INPP5D: variants seen among roughly 807,000 people sequenced by gnomAD.
The protein encoded by INPP5D is inositol polyphosphate-5-phosphatase D.
In INPP5D, 33 loss-of-function variants were observed where a neutral mutation model predicts 122.9. The ratio of observed to expected loss-of-function variants is 0.27; its 90% CI spans 0.20 to 0.36. INPP5D has a LOEUF of 0.36. INPP5D is among the 10% of genes least tolerant of loss of function. The pLI, the probability that INPP5D is intolerant of heterozygous loss-of-function variation, is 1.00. For missense variants in INPP5D, 1,053 were observed against 1,412.7 expected (o/e 0.75, Z 4.08); for synonymous variants, 584 against 576.2 (o/e 1.01, Z -0.19).
chr2:233,069,719 C>T lies in INPP5D; in HGVS notation c.134+9107C>T, dbSNP rs186567614. ...GTACAGGATTCTATTACATGATGTG[C>T]GACACTTCATGAAATGATTCTTCTA... On this transcript the variant is annotated intron_variant, in intron 1 of 26. Coordinates refer to ENST00000445964, the MANE Select transcript of INPP5D (RefSeq NM_001017915.3). Among the ~76,000 whole-genome samples, 554 of 152,136 alleles carry T rather than the reference C, an allele frequency of 3.6e-3. 4 individuals are homozygous for T. Among genetic ancestry groups the T allele is most frequent in the African/African-American group, 0.012 (503 of 41,492 alleles).
At position 233,060,556 on chromosome 2, in the gene INPP5D, G is replaced by C; in HGVS notation, c.78G>C (p.Gly26=). The change falls in exon 1 of 27, where the codon GGG becomes GGC. Residue 26 remains glycine (G), a synonymous_variant. Coordinates refer to ENST00000445964, the MANE Select transcript of INPP5D (RefSeq NM_001017915.3). ...TGCTTTCCAGGACAGGCAAGGACGG[G>C]AGCTTCCTCGTGCGTGCCAGCGAGT... ...EELLSRTGKD[G]SFLVRASESI... The C allele has an allele frequency of 6.2e-7, 1 of 1,614,010 alleles. No individual in the cohort carries two copies. The highest frequency in any genetic ancestry group is 8.5e-7 in the Non-Finnish European group (1 of 1,179,880).
chr2:233,111,012 A>G (rs1458886797), intron 2 of INPP5D, among the ~76,000 whole-genome samples: 1 of 152,178 alleles, frequency 6.6e-6, no homozygotes, highest in Admixed American at 6.5e-5. Context: ...ATTTTCAAGA[A>G]CGGTACAAAG....
rs779098423 is a variant in INPP5D at position 233,079,347 on chromosome 2, C to T, written c.147C>T (p.Cys49=). The part of the protein sequence containing the change: ...AYALCVLYRN[C]VYTYRILPNE... ...TGATCTATTTCAGGTATCGGAATTG[C>T]GTTTACACTTACAGAATTCTGCCCA... Residue 49 remains cysteine, a synonymous_variant, in exon 2 of 27, where the codon TGC becomes TGT. Transcript: ENST00000445964. The T allele has an allele frequency of 1.4e-5, 22 of 1,600,666 alleles. No homozygotes were observed. The South Asian group carries it at 1.8e-4, about 13-fold the overall frequency.
Position 233,204,367 on chromosome 2 carries a change from G to A in INPP5D, c.3217G>A (p.Gly1073Arg), listed in dbSNP as rs1354985808. 5 of 1,610,268 alleles carry A rather than the reference G, an allele frequency of 3.1e-6. No homozygotes were observed. The highest frequency in any genetic ancestry group is 4.2e-6 in the Non-Finnish European group (5 of 1,178,292). Reference protein sequence around the residue: ...TKAQEADRGEGPGKQVPAPRL... With the variant: ...TKAQEADRGERPGKQVPAPRL... ...AGCCCAGGAGGCTGATCGCGGCGAG[G>A]GGCCCGGCAAGCAGGTGCCCGCGCC... Residue 1073 changes from glycine (G) to arginine (R), a missense_variant, in exon 26 of 27, where the codon GGG becomes AGG. Gly to Arg is a moderately radical substitution (Grantham distance 125, BLOSUM62 -2). Transcript: ENST00000445964.
intron 2 of INPP5D, among the ~76,000 whole-genome samples, chr2:233,088,131 A>C (rs1691900134): frequency 1.3e-5 from 2 of 151,600 alleles, no homozygotes; most frequent in Admixed American, 6.6e-5. Context: ...ATGCACCACC[A>C]CCCCCGACTA....
intron 2 of INPP5D, among the ~76,000 whole-genome samples, chr2:233,111,985 G>A (rs79197170): frequency 0.05 from 7,634 of 151,248 alleles, 601 homozygotes; most frequent in African/African-American, 0.17. Context: ...GATCGCTGGA[G>A]CCTGTGAGGT....
rs552825153 is a variant in INPP5D at position 233,152,052 on chromosome 2, G to A, written c.1030+4458G>A. ...CAAGAGTGGGTGCTCTAGGTAAACC[G>A]GATGCATGTGTTGGTTCCATGACTT... On this transcript the variant is annotated intron_variant, in intron 9 of 26. Transcript: ENST00000445964. 5.3e-5 allele frequency among the ~76,000 whole-genome samples: 8 copies of A among 152,270 alleles called. No individual in the cohort carries two copies. The South Asian group carries it at 1.0e-3, about 20-fold the overall frequency.
intron 17 of INPP5D, 188 bp downstream of exon 17, chr2:233,171,340 T>A: frequency 1.3e-6 from 1 of 772,042 alleles, no homozygotes; most frequent in Non-Finnish European, 1.9e-6. Flanking sequence ...TGCTTTGAGC[T>A]GGGAAAATAA....
At chr2:233,124,613 A>C (rs1329464225) in intron 3 of INPP5D, among the ~76,000 whole-genome samples, 3 of 152,176 alleles carry the variant, frequency 2.0e-5, no homozygotes, top group Non-Finnish European at 4.4e-5. Flanking sequence ...CTGCACCTGA[A>C]CAGCTGCCCC....
At chr2:233,130,315 T>C (rs1051542387) in intron 4 of INPP5D, among the ~76,000 whole-genome samples, 193 bp from the exon 5 acceptor site, 4 of 152,150 alleles carry the variant, frequency 2.6e-5, no homozygotes, top group African/African-American at 9.7e-5. Context: ...TTCTTCTTGC[T>C]CTGACCTGCT....
intron 17 of INPP5D, among the ~76,000 whole-genome samples, chr2:233,175,687 T>G (rs1192367662): frequency 1.1e-5 from 1 of 88,148 alleles, no homozygotes; most frequent in Admixed American, 1.7e-4. Flanking sequence ...AAAACTTTTG[T>G]TTTTTTTTTT....
intron 1 of INPP5D, among the ~76,000 whole-genome samples, chr2:233,074,609 T>C (rs1208169614): frequency 6.6e-6 from 1 of 151,996 alleles, no homozygotes; most frequent in Admixed American, 6.5e-5. Flanking sequence ...TTGGTGCAAA[T>C]AGTTTTTTTT....
chr2:233,195,636 T>A, intron 24 of INPP5D, 141 bp downstream of exon 24: 1 of 1,424,196 alleles, frequency 7.0e-7, no homozygotes, highest in Non-Finnish European at 9.5e-7. Flanking sequence ...CATTTGAGCC[T>A]AGGAGTTTGA....
intron 2 of INPP5D, among the ~76,000 whole-genome samples, chr2:233,086,118 CCTCTTTCTTTCT>C (rs1691825196): frequency 9.4e-6 from 1 of 105,950 alleles, no homozygotes; most frequent in African/African-American, 3.3e-5. Context: ...GATAAGATAG[CCTCTTTCTTTCT>C]TTCTTTCTTT....
intron 5 of INPP5D, chr2:233,131,144 G>A (rs1398976439): frequency 1.2e-5 from 12 of 979,458 alleles, no homozygotes; most frequent in Non-Finnish European, 1.3e-5. Flanking sequence ...TCTGATGTCC[G>A]ATCCATTGAA....
rs763248329 is a variant in INPP5D, at chr2:233,189,835, C to G, written c.2359-15C>G. On this transcript the variant is annotated splice_polypyrimidine_tract_variant and intron_variant, in intron 21 of 26. Transcript: ENST00000445964. The surrounding 1 kb of genome is among the most constrained non-coding windows in gnomAD (Gnocchi z 5.6). ...CTTGCCCATCAACTCCAGTCCTGTG[C>G]CCTTCTCTCTGCAGCTGAAGCCCAT... 1 of 1,612,046 alleles carries G rather than the reference C, an allele frequency of 6.2e-7. No individual in the cohort carries two copies. Among genetic ancestry groups the G allele is most frequent in the African/African-American group, 1.3e-5 (1 of 74,868 alleles).
At chr2:233,185,990 A>G in intron 21 of INPP5D, 65 bp downstream of exon 21, 1 of 1,489,698 alleles carries the variant, frequency 6.7e-7, no homozygotes, top group Admixed American at 2.2e-5. Flanking sequence ...AGTACCAGCC[A>G]GTGGCAGAGC....
chr2:233,195,917 G>C (rs1695170909), intron 24 of INPP5D, among the ~76,000 whole-genome samples: 1 of 152,182 alleles, frequency 6.6e-6, no homozygotes, highest in Non-Finnish European at 1.5e-5. Context: ...ATTGCAGTGA[G>C]CCGAGATTTC....
At chr2:233,114,711 T>C (rs1341397387) in intron 2 of INPP5D, among the ~76,000 whole-genome samples, 4 of 152,076 alleles carry the variant, frequency 2.6e-5, no homozygotes, top group Admixed American at 2.6e-4. Context: ...GAAATGGAAG[T>C]AATAAAAACA....
Sources: allele counts gnomAD v4.1 joint callset (sites outside exome capture counted in the v4.1 genomes callset), GRCh38; gene constraint gnomAD v4.1.1; non-coding constraint Gnocchi (gnomAD v3.1); transcripts MANE v1.5; gene names NCBI Gene and HGNC (gene_info 2026-07-23, HGNC 2026-07-21).